DNM3: variants seen among roughly 807,000 people sequenced by gnomAD.
DNM3 encodes the protein dynamin-3.
Under a neutral mutation model 101.6 loss-of-function variants are expected in DNM3, and 47 were observed. That is an observed-to-expected ratio of 0.46 (90% confidence interval 0.37 to 0.59). The LOEUF is 0.59. Ranked by LOEUF, DNM3 falls within the 20% of genes least tolerant of loss-of-function variation. The pLI is 0.00. For missense variants in DNM3, 849 were observed against 1,085.7 expected, an observed-to-expected ratio of 0.78 and a Z score of 3.06; for synonymous variants, 385 against 387.9, an observed-to-expected ratio of 0.99 and a Z score of 0.09.
chr1:171,987,127 G>A (rs1398044819), intron 2 of DNM3, among the ~76,000 whole-genome samples: 1 of 152,018 alleles, frequency 6.6e-6, no homozygotes, highest in Admixed American at 6.6e-5. Context: ...CTTTGTATAA[G>A]TTGATGTGGT....
chr1:172,041,770 A>C (rs1443663734), intron 7 of DNM3, among the ~76,000 whole-genome samples: 2 of 152,216 alleles, frequency 1.3e-5, no homozygotes, highest in Non-Finnish European at 2.9e-5. Context: ...AATGAACAGA[A>C]GGCATTGAAA....
intron 17 of DNM3, among the ~76,000 whole-genome samples, chr1:172,336,203 A>G (rs2066421769): frequency 6.6e-6 from 1 of 152,148 alleles, no homozygotes; most frequent in African/African-American, 2.4e-5. Flanking sequence ...GAGAATCTCC[A>G]TTTTAGAGAG....
downstream of DNM3, among the ~76,000 whole-genome samples, chr1:172,414,672 A>G (rs781129626): frequency 6.6e-6 from 1 of 151,842 alleles, no homozygotes; most frequent in African/African-American, 2.4e-5. Context: ...CAAATGTACT[A>G]CTCAGGAGGC....
intron 10 of DNM3, 138 bp downstream of exon 10, chr1:172,048,888 A>T (rs749793300): frequency 1.3e-4 from 136 of 1,057,938 alleles, no homozygotes; most frequent in Non-Finnish European, 1.8e-4. Context: ...GGTTGTGGAA[A>T]GTACTGAGTG....
chr1:172,144,187 TAAAA>T lies in DNM3; in HGVS notation c.1659+12910_1659+12913del, dbSNP rs34952786. ...CACTTGAATTATCAATCTTCAGAAA[TAAAA>T]AAAAAAAAAACAGTAAATCGCTATA... On this transcript the variant is annotated intron_variant, in intron 14 of 20. Transcript: ENST00000627582. Among the ~76,000 whole-genome samples, 7 of 141,954 alleles carry T rather than the reference TAAAA, an allele frequency of 4.9e-5. No individual in the cohort carries two copies. The South Asian group carries it at 9.0e-4, about 18-fold the overall frequency. 93.1% of individuals were successfully genotyped at this position (141,954 alleles called of 152,430 possible).
intron 15 of DNM3, among the ~76,000 whole-genome samples, chr1:172,292,406 CA>C (rs2063958131): frequency 2.0e-5 from 3 of 152,108 alleles, no homozygotes; most frequent in Non-Finnish European, 4.4e-5. Flanking sequence ...AGAAAACAGG[CA>C]AAAGTTCCAC....
At chr1:172,043,188 C>T (rs995768112) in intron 8 of DNM3, among the ~76,000 whole-genome samples, 1 of 151,908 alleles carries the variant, frequency 6.6e-6, no homozygotes, top group Non-Finnish European at 1.5e-5. Context: ...GCTAGGGCTT[C>T]GATTGAAATG....
chr1:172,155,006 A>G (rs2058283316), intron 14 of DNM3, among the ~76,000 whole-genome samples: 1 of 152,098 alleles, frequency 6.6e-6, no homozygotes, highest in Non-Finnish European at 1.5e-5. Flanking sequence ...GATGAGAGGA[A>G]AAAGATTGAA....
Position 172,047,344 on chromosome 1 carries a change from AG to A in DNM3, c.1197-1267del, listed in dbSNP as rs139463220. Among the ~76,000 whole-genome samples, 1,101 of 152,276 alleles carry A rather than the reference AG, an allele frequency of 7.2e-3. 19 individuals are homozygous for A. Among genetic ancestry groups the A allele is most frequent in the African/African-American group, 0.025 (1,039 of 41,552 alleles). ...TGTGAAATAGAATGCTGGGCTTCCAAGAAGGAAGGTCTCAGCAGCAAGACTG... is the reference window on the plus strand; with the variant it reads ...TGTGAAATAGAATGCTGGGCTTCCAAAAGGAAGGTCTCAGCAGCAAGACTG... On this transcript the variant is annotated intron_variant, in intron 9 of 20. Transcript: ENST00000627582.
chr1:172,206,438 G>T (rs2060324523), intron 14 of DNM3, among the ~76,000 whole-genome samples: 1 of 152,104 alleles, frequency 6.6e-6, no homozygotes, highest in Non-Finnish European at 1.5e-5. Context: ...TCTTTGCACA[G>T]ATATTAAAAA....
rs376087693 is a variant in DNM3, at chr1:172,291,270, G to A, written c.1770-17458G>A. 3.2e-4 allele frequency among the ~76,000 whole-genome samples: 33 copies of A among 102,736 alleles called. 1 individual carries two copies. In the East Asian group the frequency reaches 9.0e-3, roughly 28 times the overall value. 67.4% of individuals were successfully genotyped at this position (102,736 alleles called of 152,430 possible). On this transcript the variant is annotated intron_variant, in intron 15 of 20. Transcript: ENST00000627582. ...TGTGTGTGTGTGCACACGCATACAT[G>A]TGCGTGTGTACACGTGTGCACGCCT... is the stretch of plus-strand genomic sequence containing the variant.
At chr1:172,359,586 C>G (rs965088062) in intron 17 of DNM3, among the ~76,000 whole-genome samples, 6 of 151,058 alleles carry the variant, frequency 4.0e-5, no homozygotes, top group Non-Finnish European at 7.4e-5. Flanking sequence ...GGTGTATATG[C>G]CTTTTTATTT....
chr1:171,868,305 G>A (rs758760246), intron 1 of DNM3, among the ~76,000 whole-genome samples: 3 of 151,966 alleles, frequency 2.0e-5, no homozygotes, highest in Non-Finnish European at 4.4e-5. Flanking sequence ...TCCCTGATGA[G>A]GGTGACAAGA....
chr1:172,074,430 A>T (rs182098037), intron 11 of DNM3, among the ~76,000 whole-genome samples: 111 of 152,190 alleles, frequency 7.3e-4, no homozygotes, highest in African/African-American at 2.5e-3. Context: ...CCTGTTGTCT[A>T]TATTAGGTAT....
At chr1:172,020,056 T>C (rs183998494) in intron 4 of DNM3, among the ~76,000 whole-genome samples, 9 of 152,274 alleles carry the variant, frequency 5.9e-5, no homozygotes, top group Non-Finnish European at 8.8e-5. Context: ...TTTTTCTTGA[T>C]AGGCAGACTG....
At chr1:172,360,067 AAATT>A (rs1181166342) in intron 17 of DNM3, among the ~76,000 whole-genome samples, 1 of 152,076 alleles carries the variant, frequency 6.6e-6, no homozygotes, top group Non-Finnish European at 1.5e-5. Context: ...TTTTTTAAAA[AAATT>A]AGTTGTTTCC....
intron 17 of DNM3, among the ~76,000 whole-genome samples, chr1:172,366,932 C>T (rs2068049495): frequency 6.6e-6 from 1 of 151,722 alleles, no homozygotes; most frequent in Admixed American, 6.6e-5. Context: ...CATAGAAAAC[C>T]TATTTAATGA....
chr1:172,413,285 G>A (rs1297262001), downstream of DNM3, among the ~76,000 whole-genome samples: 1 of 152,158 alleles, frequency 6.6e-6, no homozygotes, highest in Non-Finnish European at 1.5e-5. Flanking sequence ...GAAGTGCAGT[G>A]GCACTATCTC....
chr1:172,271,132 G>A (rs1387967266), intron 15 of DNM3, among the ~76,000 whole-genome samples: 1 of 152,164 alleles, frequency 6.6e-6, no homozygotes. Flanking sequence ...TGTTTATGTG[G>A]ACTGTGTGTG....
Sources: allele counts gnomAD v4.1 joint callset (sites outside exome capture counted in the v4.1 genomes callset), GRCh38; gene constraint gnomAD v4.1.1; transcripts MANE v1.5; gene names NCBI Gene and HGNC (gene_info 2026-07-23, HGNC 2026-07-21).